Variants in NDRG2 observed in about 807,000 individuals in gnomAD.
NDRG2 encodes the protein NDRG family member 2, also known as protein NDRG2.
A neutral mutation model predicts 58.2 loss-of-function variants in NDRG2; 34 were observed. The observed-to-expected ratio is 0.58, with a 90% confidence interval of 0.44 to 0.78. NDRG2 has a LOEUF of 0.78. Among genes scored for constraint, NDRG2 ranks in the 30% least tolerant of loss-of-function variants. NDRG2 has a pLI of 0.00. For missense variants in NDRG2, 434 were observed against 471.2 expected (o/e 0.92, Z 0.73); for synonymous variants, 187 against 175.9 (o/e 1.06, Z -0.50).
intron 8 of NDRG2, 52 bp downstream of exon 8, chr14:21,020,443 TC>T (rs1261052474): frequency 3.5e-6 from 5 of 1,444,400 alleles, no homozygotes; most frequent in Non-Finnish European, 4.8e-6. Context: ...CCTAACTGGA[TC>T]CATACGAGGG....
At chr14:21,019,589 A>G (rs919708579) in intron 10 of NDRG2, 50 bp downstream of exon 10, 5 of 1,289,942 alleles carry the variant, frequency 3.9e-6, no homozygotes, top group Non-Finnish European at 5.6e-6. Flanking sequence ...ATGACGCCCA[A>G]TTACTGCTTC....
At chr14:21,034,416 G>A in intron 1 of NDRG2, 3 of 699,174 alleles carry the variant, frequency 4.3e-6, no homozygotes, top group South Asian at 3.8e-5. Flanking sequence ...CCATAACCAA[G>A]TTCTCATGAC....
At chr14:21,025,336 G>A, upstream of NDRG2, 1 of 983,426 alleles carries the variant, frequency 1.0e-6, no homozygotes, top group Non-Finnish European at 1.2e-6. The surrounding 1 kb of genome is among the most constrained non-coding windows in gnomAD (Gnocchi z 5.1). Context: ...GGAGTGCGGG[G>A]ATCCCTCAGC....
At chr14:21,027,664 C>T (rs1236349268), upstream of NDRG2, among the ~76,000 whole-genome samples, 1 of 152,234 alleles carries the variant, frequency 6.6e-6, no homozygotes, top group Non-Finnish European at 1.5e-5. Context: ...AATACCTACA[C>T]ATGCAAGGCA....
intron 1 of NDRG2, chr14:21,043,390 C>G: frequency 6.2e-7 from 1 of 1,613,746 alleles, no homozygotes; most frequent in African/African-American, 1.3e-5. Flanking sequence ...TACGTAGTGG[C>G]CTGTAAGCCT....
chr14:21,034,363 C>T, intron 1 of NDRG2: 2 of 1,049,494 alleles, frequency 1.9e-6, no homozygotes, highest in Non-Finnish European at 2.8e-6. Flanking sequence ...ATCCCAGAGC[C>T]TCCAGCATTC....
At chr14:21,067,303 C>A (rs1249389436) in intron 1 of NDRG2, among the ~76,000 whole-genome samples, 1 of 151,432 alleles carries the variant, frequency 6.6e-6, no homozygotes, top group Non-Finnish European at 1.5e-5. Flanking sequence ...CTCTGACCCA[C>A]GGGGACATAT....
chr14:21,036,370 A>G, intron 1 of NDRG2: 3 of 412,240 alleles, frequency 7.3e-6, no homozygotes, highest in South Asian at 5.3e-5. Context: ...CCTGGGCCAC[A>G]TTGGAAGAAG....
intron 1 of NDRG2, chr14:21,033,183 G>A (rs934146877): frequency 8.2e-6 from 3 of 365,648 alleles, no homozygotes; most frequent in Admixed American, 3.7e-5. Flanking sequence ...TTGGGAGTGT[G>A]GGGGAGACAG....
At position 21,017,635 on chromosome 14, in the gene NDRG2, A is replaced by C; in HGVS notation, c.1077T>G (p.Ser359=). The change falls in exon 16 of 16, where the codon TCT becomes TCG. Residue 359 remains serine, a synonymous_variant. Coordinates refer to ENST00000556147, the MANE Select transcript of NDRG2 (RefSeq NM_001320329.2). ...LSQSSESGTL[S]SGPPGHTMEV... is the part of the protein sequence containing the mutation. The stretch of plus-strand genomic sequence containing the variant: ...CCATGGTGTGCCCCGGGGGCCCCGA[A>C]GAAAGAGTTCCAGACTCGCTGCTCT... The C allele has an allele frequency of 6.2e-7, 1 of 1,613,770 alleles. No individual in the cohort carries two copies. The highest frequency in any genetic ancestry group is 1.3e-5 in the African/African-American group (1 of 75,052).
In NDRG2 at chr14:21,017,452, G is replaced by T. The variant is rs1041107676; in HGVS notation, c.*144C>A. 7.8e-6 allele frequency: 7 copies of T among 903,070 alleles called. No homozygotes were observed. The highest frequency in any genetic ancestry group is 1.2e-5 in the Non-Finnish European group (7 of 600,380). The allele number at this position is 903,070 out of a possible 1,614,324, so 55.9% of individuals were successfully genotyped here. A position where few individuals can be genotyped will look rare whatever the true frequency, so the allele number is the denominator to read the frequency against. On this transcript the variant is annotated 3_prime_UTR_variant, in exon 16 of 16. Transcript: ENST00000556147. ...TCACGGGTTAAAGGTCAAGGTTAGG[G>T]TAGCAATCAAAGATCAAGGTCATCT...
In NDRG2 at chr14:21,043,160, A is replaced by G. The variant is rs760697067; in HGVS notation, c.25-19839T>C. ...CTCAAGCATGCAACTCAGCCATGAA[A>G]AACATTAACAAGCACACAAAACGGT... On this transcript the variant is annotated intron_variant, in intron 1 of 14. Coordinates refer to the NDRG2 transcript ENST00000403829. The G allele has an allele frequency of 9.3e-6, 15 of 1,614,064 alleles. No homozygotes were observed. In the African/African-American group the frequency reaches 9.3e-5, roughly 10 times the overall value.
chr14:21,026,449 C>T (rs1049368131), upstream of NDRG2, among the ~76,000 whole-genome samples: 2 of 151,512 alleles, frequency 1.3e-5, no homozygotes, highest in African/African-American at 4.9e-5. Context: ...ACACCAGCAC[C>T]GACTGCCCCC....
At chr14:21,058,230 G>A in intron 1 of NDRG2, 5 of 1,614,096 alleles carry the variant, frequency 3.1e-6, no homozygotes, top group Non-Finnish European at 4.2e-6. Flanking sequence ...CTCACCTCAG[G>A]GAAGTACCCA....
intron 1 of NDRG2, among the ~76,000 whole-genome samples, chr14:21,063,152 C>A (rs941442095): frequency 1.2e-4 from 18 of 151,584 alleles, no homozygotes; most frequent in Non-Finnish European, 2.5e-4. Context: ...AAAGCAAAAA[C>A]AAAAAACGGA....
At chr14:21,035,773 C>T (rs1566491932) in intron 1 of NDRG2, 1 of 456,300 alleles carries the variant, frequency 2.2e-6, no homozygotes, top group East Asian at 6.9e-5. Flanking sequence ...ACTTGTTTCT[C>T]TTCCTGTTTT....
intron 1 of NDRG2, chr14:21,034,374 C>G: frequency 1.1e-6 from 1 of 930,522 alleles, no homozygotes; most frequent in Non-Finnish European, 1.7e-6. Context: ...TCCAGCATTC[C>G]CAACCCAACA....
intron 6 of NDRG2, 146 bp downstream of exon 6, chr14:21,021,671 T>A (rs764563941): frequency 3.3e-6 from 3 of 901,116 alleles, no homozygotes; most frequent in African/African-American, 1.7e-5. Flanking sequence ...CTTTTCTCAA[T>A]AATCAAGGCG....
Position 21,017,395 on chromosome 14 carries a change from A to G in NDRG2, c.*201T>C, listed in dbSNP as rs1336463764. On this transcript the variant is annotated 3_prime_UTR_variant, in exon 16 of 16. Transcript: ENST00000556147. ...TTAGGGGTCTGGGTCCCTAAGAGAT[A>G]TTAGGACATCTCTTCCAGGAGCTGG... 1 of 643,926 alleles carries G rather than the reference A, an allele frequency of 1.6e-6. No homozygotes were observed. Among genetic ancestry groups the G allele is most frequent in the Non-Finnish European group, 2.7e-6 (1 of 376,716 alleles). The allele number at this position is 643,926 out of a possible 1,614,324, so 39.9% of individuals were successfully genotyped here.
Sources: gnomAD v4.1 joint callset for allele counts (sites outside exome capture counted in the v4.1 genomes callset) on GRCh38, gnomAD v4.1.1 for gene constraint, Gnocchi (gnomAD v3.1) non-coding constraint, MANE v1.5 for transcripts, NCBI Gene and HGNC (gene_info 2026-07-23, HGNC 2026-07-21) for gene names.